Variants in NCALD observed in about 807,000 individuals in gnomAD.
NCALD encodes the protein neurocalcin-delta.
In NCALD, 10 loss-of-function variants were observed where a neutral mutation model predicts 18.6. The ratio of observed to expected loss-of-function variants is 0.54; its 90% confidence interval spans 0.33 to 0.91. The LOEUF (loss-of-function observed/expected upper bound fraction) is 0.91. Among genes scored for constraint, NCALD ranks in the 40% least tolerant of loss-of-function variants. The probability of loss-of-function intolerance (pLI) is 0.03; values close to 1 mark genes in which losing one functional copy is unlikely to be tolerated. For synonymous variants in NCALD, 88 were observed against 87.4 expected (o/e 1.01, Z -0.04); for missense variants, 184 against 247.6 (o/e 0.74, Z 1.72).
At chr8:101,745,737 CATT>C (rs1271776512) in intron 1 of NCALD, 1 of 152,224 alleles carries the variant, frequency 6.6e-6, no homozygotes, top group African/African-American at 2.4e-5. Context: ...ACCCTCACTT[CATT>C]ACTGGTCACC....
intron 4 of NCALD, among the ~76,000 whole-genome samples, chr8:101,863,951 G>A (rs1327479101): frequency 1.3e-5 from 2 of 152,148 alleles, no homozygotes; most frequent in Non-Finnish European, 2.9e-5. Context: ...AACGAACTCA[G>A]AATTCCAAGG....
chr8:101,875,632 T>A (rs1349081645), intron 4 of NCALD, among the ~76,000 whole-genome samples: 1 of 152,132 alleles, frequency 6.6e-6, no homozygotes, highest in Non-Finnish European at 1.5e-5. Flanking sequence ...AACGTCCAAT[T>A]AGCAAGTGCA....
chr8:101,860,498 C>A (rs759804655), intron 4 of NCALD, among the ~76,000 whole-genome samples: 8 of 152,166 alleles, frequency 5.3e-5, no homozygotes, highest in Non-Finnish European at 8.8e-5. Context: ...GAAATGTTGA[C>A]CCTTACTGAG....
intron 4 of NCALD, among the ~76,000 whole-genome samples, chr8:101,867,269 C>T (rs497905): frequency 0.27 from 41,175 of 152,010 alleles, 5,938 homozygotes; most frequent in East Asian, 0.39. Flanking sequence ...AGTTTTTTTC[C>T]CCTTAGCAAT....
intron 1 of NCALD, among the ~76,000 whole-genome samples, chr8:102,073,185 C>A (rs1049846371): frequency 1.3e-5 from 2 of 152,128 alleles, no homozygotes; most frequent in African/African-American, 4.8e-5. Context: ...CCCATAATCC[C>A]GGCTACTCAG....
At chr8:102,085,314 T>C (rs1311267542) in intron 1 of NCALD, among the ~76,000 whole-genome samples, 3 of 152,330 alleles carry the variant, frequency 2.0e-5, no homozygotes, top group East Asian at 3.9e-4. Context: ...CCAAACGTCT[T>C]ATTTGTCCCA....
intron 1 of NCALD, among the ~76,000 whole-genome samples, chr8:102,027,067 G>A (rs745602153): frequency 6.6e-6 from 1 of 152,208 alleles, no homozygotes; most frequent in Admixed American, 6.5e-5. Flanking sequence ...CCCTGGGCTT[G>A]GCCCACAAAA....
chr8:101,779,083 G>A (rs936902130), intron 1 of NCALD, among the ~76,000 whole-genome samples: 8 of 152,174 alleles, frequency 5.3e-5, no homozygotes, highest in Non-Finnish European at 1.2e-4. Flanking sequence ...AATTGTGATG[G>A]AAAGTAATTT....
chr8:102,096,075 C>T (rs2132393723), intron 1 of NCALD, among the ~76,000 whole-genome samples: 1 of 152,250 alleles, frequency 6.6e-6, no homozygotes, highest in African/African-American at 2.4e-5. Flanking sequence ...CATGAGCAGG[C>T]ACTAAAGGGC....
chr8:102,064,537 A>G (rs917504152), intron 1 of NCALD, among the ~76,000 whole-genome samples: 2 of 152,230 alleles, frequency 1.3e-5, no homozygotes, highest in African/African-American at 4.8e-5. Flanking sequence ...TTGTATGAAC[A>G]TCATTCACTC....
intron 4 of NCALD, among the ~76,000 whole-genome samples, chr8:101,886,646 T>C (rs1816684674): frequency 6.6e-6 from 1 of 152,214 alleles, no homozygotes; most frequent in Non-Finnish European, 1.5e-5. Flanking sequence ...AATTCACTAT[T>C]GCTGGTGCTG....
intron 3 of NCALD, among the ~76,000 whole-genome samples, chr8:101,899,398 T>A (rs991620541): frequency 5.3e-5 from 8 of 152,026 alleles, no homozygotes; most frequent in Admixed American, 3.9e-4. Context: ...TTTCCTCTTC[T>A]CTATTGCATG....
chr8:101,964,200 C>T (rs77561826), intron 2 of NCALD, among the ~76,000 whole-genome samples: 2,928 of 152,178 alleles, frequency 0.019, 87 homozygotes, highest in African/African-American at 0.066. Context: ...GGACAGAACC[C>T]AATGGCTTGC....
chr8:101,884,277 G>T (rs1353379677), intron 4 of NCALD, among the ~76,000 whole-genome samples: 2 of 152,042 alleles, frequency 1.3e-5, no homozygotes, highest in African/African-American at 4.8e-5. Flanking sequence ...TGCTGTTGTT[G>T]TTTTCTATCA....
At chr8:101,879,804 A>G (rs986715667) in intron 4 of NCALD, among the ~76,000 whole-genome samples, 2 of 152,172 alleles carry the variant, frequency 1.3e-5, no homozygotes, top group African/African-American at 2.4e-5. Context: ...TGATTGGTGC[A>G]TTCACAAACC....
At chr8:101,877,254 G>A (rs1816264584) in intron 4 of NCALD, among the ~76,000 whole-genome samples, 1 of 152,118 alleles carries the variant, frequency 6.6e-6, no homozygotes. Context: ...CATTGCAGCA[G>A]TCCCAGATTC....
chr8:101,746,782 A>G lies in NCALD; in HGVS notation c.-19-27134T>C, dbSNP rs144139720. The stretch of plus-strand genomic sequence containing the variant: ...AACTGGATAAATGTAAATTTTACAT[A>G]GATAAATCTTTGAATAGTAATAATG... On this transcript the variant is annotated intron_variant, in intron 1 of 3. Transcript: ENST00000220931. Among the ~76,000 whole-genome samples the G allele has an allele frequency of 9.2e-5, 14 of 152,164 alleles. No individual in the cohort carries two copies. The East Asian group carries it at 2.7e-3, about 29-fold the overall frequency.
At chr8:102,027,346 A>G (rs574866574) in intron 1 of NCALD, among the ~76,000 whole-genome samples, 1 of 152,240 alleles carries the variant, frequency 6.6e-6, no homozygotes, top group South Asian at 2.1e-4. Flanking sequence ...GATACCCTAT[A>G]TCATCTCTCT....
At chr8:102,096,377 G>C (rs1365200488) in intron 1 of NCALD, among the ~76,000 whole-genome samples, 1 of 152,094 alleles carries the variant, frequency 6.6e-6, no homozygotes, top group Non-Finnish European at 1.5e-5. Context: ...GGGCCCACCA[G>C]GATTGAGGCA....
Sources: gnomAD v4.1 joint callset for allele counts (sites outside exome capture counted in the v4.1 genomes callset) on GRCh38, gnomAD v4.1.1 for gene constraint, MANE v1.5 for transcripts, NCBI Gene and HGNC (gene_info 2026-07-23, HGNC 2026-07-21) for gene names.